Variants in STARD9 observed in about 807,000 individuals in gnomAD.
The protein encoded by STARD9 is StAR related lipid transfer domain containing 9, also known as stAR-related lipid transfer protein 9.
Under a neutral mutation model 399.8 loss-of-function variants are expected in STARD9, and 346 were observed. That is an observed-to-expected ratio of 0.87 (90% CI 0.79 to 0.95). The LOEUF (loss-of-function observed/expected upper bound fraction) is 0.95, where lower values mean the gene tolerates loss of function less well. Among genes scored for constraint, STARD9 ranks in the 40% least tolerant of loss-of-function variants. The probability of loss-of-function intolerance (pLI) is 0.00; values close to 1 mark genes in which losing one functional copy is unlikely to be tolerated. For synonymous variants in STARD9, 2,203 were observed against 2,143.5 expected, an observed-to-expected ratio of 1.03 and a Z score of -0.77; for missense variants, 5,832 against 5,667.5, an observed-to-expected ratio of 1.03 and a Z score of -0.93.
chr15:42,666,097 G>A (rs1036602071), intron 15 of STARD9, among the ~76,000 whole-genome samples: 2 of 152,190 alleles, frequency 1.3e-5, no homozygotes, highest in African/African-American at 4.8e-5. Context: ...TAGCCTGGGG[G>A]CAAAAGACTG....
Position 42,675,904 on chromosome 15 carries a change from G to T in STARD9, c.1803G>T (p.Leu601Phe). Residue 601 changes from leucine to phenylalanine, a missense_variant, in exon 20 of 33, where the codon TTG becomes TTT. Leu to Phe is a conservative substitution (Grantham distance 22). Around this residue, in one of 2 missense-constraint regions of STARD9, gnomAD observed 5,828 missense variants for 5,651.1 expected, o/e 1.03. Coordinates refer to ENST00000290607, the MANE Select transcript of STARD9 (RefSeq NM_020759.3). ...VGEAAAGRGS[L>F]EWLDLDGDLA... ...AGGCTGCTGCTGGTCGTGGCTCGTT[G>T]GAGTGGCTGGATTTGGATGGAGATC... The T allele has an allele frequency of 2.0e-6, 3 of 1,537,204 alleles. No individual in the cohort carries two copies. The highest frequency in any genetic ancestry group is 2.6e-6 in the Non-Finnish European group (3 of 1,146,894).
At chr15:42,640,679 G>A (rs188759214) in intron 7 of STARD9, among the ~76,000 whole-genome samples, 64 of 152,046 alleles carry the variant, frequency 4.2e-4, no homozygotes, top group Non-Finnish European at 3.1e-4. Context: ...AAAATTAGCC[G>A]GGCGTGTGGC....
chr15:42,597,430 C>T (rs575958936), intron 3 of STARD9, among the ~76,000 whole-genome samples: 15 of 152,102 alleles, frequency 9.9e-5, no homozygotes, highest in African/African-American at 2.9e-4. Context: ...TGCAGTGGTG[C>T]GGTCTCAGCT....
chr15:42,590,200 C>G (rs761590293), intron 3 of STARD9, among the ~76,000 whole-genome samples: 10 of 147,952 alleles, frequency 6.8e-5, no homozygotes, highest in Non-Finnish European at 4.5e-5. Flanking sequence ...TGGGCTCAAA[C>G]GATCTGCCTG....
At chr15:42,624,831 G>T (rs1038402716) in intron 3 of STARD9, among the ~76,000 whole-genome samples, 4 of 152,194 alleles carry the variant, frequency 2.6e-5, no homozygotes, top group Non-Finnish European at 5.9e-5. Context: ...TTACAGGCAT[G>T]AGAGAATAAT....
intron 15 of STARD9, among the ~76,000 whole-genome samples, chr15:42,668,923 A>G (rs2060154088): frequency 6.6e-6 from 1 of 152,254 alleles, no homozygotes; most frequent in Non-Finnish European, 1.5e-5. Flanking sequence ...TTTAAAAATA[A>G]CATTTATTGA....
intron 7 of STARD9, 110 bp downstream of exon 7, chr15:42,638,922 G>A (rs963530741): frequency 1.2e-5 from 7 of 591,522 alleles, no homozygotes; most frequent in East Asian, 1.2e-4. Flanking sequence ...TCGTGTGCCA[G>A]CTACTGTACT....
intron 8 of STARD9, 75 bp from the exon 9 acceptor site, chr15:42,652,445 T>C: frequency 1.6e-6 from 2 of 1,224,514 alleles, no homozygotes; most frequent in South Asian, 1.3e-5. Flanking sequence ...ACATTTCTTG[T>C]ATTCTGTATG....
intron 22 of STARD9, among the ~76,000 whole-genome samples, chr15:42,683,403 A>G (rs916711901): frequency 3.3e-5 from 5 of 152,218 alleles, no homozygotes; most frequent in Non-Finnish European, 5.9e-5. Flanking sequence ...AAGTTTTTTA[A>G]AGCAATTTCT....
intron 3 of STARD9, among the ~76,000 whole-genome samples, chr15:42,601,109 C>G (rs2058613441): frequency 6.6e-6 from 1 of 152,110 alleles, no homozygotes; most frequent in African/African-American, 2.4e-5. Context: ...TTTAACAAAG[C>G]ACATCTTGCA....
At position 42,688,968 on chromosome 15, in the gene STARD9, T is replaced by C; in HGVS notation, c.7390T>C (p.Ser2464Pro). Reference protein sequence around the residue: ...LGFSTSEDFASEAEVAVQKEI... With the variant: ...LGFSTSEDFAPEAEVAVQKEI... The stretch of plus-strand genomic sequence containing the variant: ...TTTCAGTACCAGTGAAGATTTTGCT[T>C]CTGAAGCCGAGGTGGCTGTACAAAA... The change falls in exon 23 of 33, where the codon TCT (serine) becomes CCT (proline). Residue 2464 changes from serine to proline, a missense_variant. Around this residue, in one of 2 missense-constraint regions of STARD9, gnomAD observed 5,828 missense variants for 5,651.1 expected, o/e 1.03. Coordinates refer to ENST00000290607, the MANE Select transcript of STARD9 (RefSeq NM_020759.3). 1 of 1,537,348 alleles carries C rather than the reference T, an allele frequency of 6.5e-7. No individual in the cohort carries two copies. Among genetic ancestry groups the C allele is most frequent in the Non-Finnish European group, 8.7e-7 (1 of 1,146,946 alleles).
intron 3 of STARD9, among the ~76,000 whole-genome samples, chr15:42,596,826 T>C (rs1277130124): frequency 6.6e-6 from 1 of 152,228 alleles, no homozygotes; most frequent in African/African-American, 2.4e-5. Flanking sequence ...TTAAAGGCAA[T>C]GTAAGATAAT....
intron 9 of STARD9, among the ~76,000 whole-genome samples, chr15:42,657,776 GATAA>G (rs1401645009): frequency 6.6e-6 from 1 of 152,166 alleles, no homozygotes; most frequent in East Asian, 1.9e-4. Context: ...TTAGTGTTAA[GATAA>G]ATAGATTACT....
intron 26 of STARD9, 124 bp from the exon 27 acceptor site, chr15:42,716,553 C>A (rs1003717744): frequency 3.1e-6 from 2 of 652,140 alleles, no homozygotes; most frequent in South Asian, 3.6e-5. Flanking sequence ...CTCTTGTATT[C>A]CCATCTGGGA....
intron 3 of STARD9, among the ~76,000 whole-genome samples, chr15:42,630,414 T>C (rs774598170): frequency 1.3e-5 from 2 of 152,190 alleles, no homozygotes; most frequent in Non-Finnish European, 2.9e-5. Context: ...TTTTGATGTA[T>C]CTTTATGTGG....
chr15:42,696,135 G>A (rs150098816), intron 26 of STARD9, among the ~76,000 whole-genome samples: 1 of 152,314 alleles, frequency 6.6e-6, no homozygotes, highest in East Asian at 1.9e-4. Flanking sequence ...AACTGTTCTT[G>A]TCCTTAGACT....
At position 42,693,683 on chromosome 15, in the gene STARD9, G is replaced by T. The variant is rs1017822732; in HGVS notation, c.12105G>T (p.Lys4035Asn). ...QRLGNSFVPEKVASPEHCPLS... is the reference protein window; with the variant it reads ...QRLGNSFVPENVASPEHCPLS... ...TGGGCAACAGCTTTGTGCCTGAGAA[G>T]GTGGCTTCCCCGGAGCATTGCCCAC... Residue 4035 changes from lysine (K) to asparagine (N), a missense_variant, in exon 23 of 33, where the codon AAG becomes AAT. Lys to Asn is a moderately conservative substitution (Grantham distance 94, BLOSUM62 0). This residue lies in a region of STARD9 where 5,828 missense variants were observed against 5,651.1 expected (regional missense o/e 1.03). Coordinates refer to ENST00000290607, the MANE Select transcript of STARD9 (RefSeq NM_020759.3). 3 of 1,537,224 alleles carry T rather than the reference G, an allele frequency of 2.0e-6. No homozygotes were observed. Among genetic ancestry groups the T allele is most frequent in the Non-Finnish European group, 2.6e-6 (3 of 1,146,926 alleles).
chr15:42,648,132 G>GCTAT (rs2059682556), intron 7 of STARD9, among the ~76,000 whole-genome samples: 1 of 152,216 alleles, frequency 6.6e-6, no homozygotes. Flanking sequence ...TCCCTCTAGT[G>GCTAT]TGGATCTGCT....
intron 11 of STARD9, 129 bp from the exon 12 acceptor site, chr15:42,663,152 T>C: frequency 3.3e-6 from 3 of 912,734 alleles, no homozygotes; most frequent in Middle Eastern, 2.5e-4. Flanking sequence ...ATACCTAAAA[T>C]ATCCTATTGT....
Sources: allele counts gnomAD v4.1 joint callset (sites outside exome capture counted in the v4.1 genomes callset), GRCh38; gene constraint gnomAD v4.1.1; regional missense constraint gnomAD v4.1.1; transcripts MANE v1.5; gene names NCBI Gene and HGNC (gene_info 2026-07-23, HGNC 2026-07-21).